CCSER1: variants seen among roughly 807,000 people sequenced by gnomAD.
CCSER1 encodes coiled-coil serine rich protein 1, also known as serine-rich coiled-coil domain-containing protein 1.
Under a neutral mutation model 82.0 loss-of-function variants are expected in CCSER1, and 41 were observed. That is an observed-to-expected ratio of 0.50 (90% CI 0.39 to 0.65). CCSER1 has a LOEUF of 0.65. CCSER1 is among the 30% of genes least tolerant of loss of function. The pLI, the probability that CCSER1 is intolerant of heterozygous loss-of-function variation, is 0.00. For missense variants in CCSER1, 1,119 were observed against 1,064.2 expected (o/e 1.05, Z -0.72); for synonymous variants, 414 against 383.9 (o/e 1.08, Z -0.92).
At chr4:90,612,418 A>T (rs1171226978) in intron 5 of CCSER1, among the ~76,000 whole-genome samples, 5 of 152,220 alleles carry the variant, frequency 3.3e-5, no homozygotes, top group Non-Finnish European at 7.3e-5. Flanking sequence ...TTTCTCATGA[A>T]CAAAGACAGA....
At chr4:90,277,556 C>G (rs1472700867) in intron 1 of CCSER1, among the ~76,000 whole-genome samples, 2 of 151,934 alleles carry the variant, frequency 1.3e-5, no homozygotes. Flanking sequence ...TAAACAAACT[C>G]AACAAAAATT....
At chr4:90,258,041 G>A (rs868397949) in intron 1 of CCSER1, among the ~76,000 whole-genome samples, 8 of 152,032 alleles carry the variant, frequency 5.3e-5, no homozygotes, top group Non-Finnish European at 7.4e-5. Flanking sequence ...AAAATTAACC[G>A]CCACACTGTT....
At chr4:91,568,730 A>T (rs1198847852) in intron 10 of CCSER1, among the ~76,000 whole-genome samples, 1 of 152,118 alleles carries the variant, frequency 6.6e-6, no homozygotes, top group African/African-American at 2.4e-5. Flanking sequence ...CTATTTCATC[A>T]TTCAGCTCCT....
At chr4:90,727,661 C>T (rs80311850) in intron 7 of CCSER1, among the ~76,000 whole-genome samples, 8,750 of 152,154 alleles carry the variant, frequency 0.058, 308 homozygotes, top group East Asian at 0.16. Flanking sequence ...TGTACATATG[C>T]AGTTATTAGC....
intron 6 of CCSER1, among the ~76,000 whole-genome samples, chr4:90,658,467 T>A (rs777043962): frequency 3.3e-5 from 5 of 152,166 alleles, no homozygotes; most frequent in Admixed American, 6.5e-5. Flanking sequence ...CAATGTCTTC[T>A]TCTCAACTCA....
chr4:91,357,469 T>G (rs1229156392), intron 10 of CCSER1, among the ~76,000 whole-genome samples: 1 of 152,204 alleles, frequency 6.6e-6, no homozygotes, highest in African/African-American at 2.4e-5. Context: ...TTTTTAACTT[T>G]AGCTAATATG....
intron 10 of CCSER1, among the ~76,000 whole-genome samples, chr4:91,568,162 T>C (rs1003471508): frequency 3.9e-5 from 6 of 152,182 alleles, no homozygotes; most frequent in South Asian, 2.1e-4. Context: ...TTAAGAATGT[T>C]GAATATGAGT....
intron 10 of CCSER1, among the ~76,000 whole-genome samples, chr4:91,572,074 C>T (rs934532057): frequency 2.6e-5 from 4 of 152,072 alleles, no homozygotes; most frequent in East Asian, 1.9e-4. Context: ...GCTACTGGCT[C>T]GATAACTCTG....
At chr4:91,237,778 T>G (rs1739132291) in intron 10 of CCSER1, among the ~76,000 whole-genome samples, 1 of 152,150 alleles carries the variant, frequency 6.6e-6, no homozygotes, top group Admixed American at 6.6e-5. Flanking sequence ...AAAGAAATTT[T>G]AAGTGGTTCA....
At chr4:91,430,081 G>A (rs900621638) in intron 10 of CCSER1, among the ~76,000 whole-genome samples, 1 of 152,042 alleles carries the variant, frequency 6.6e-6, no homozygotes, top group East Asian at 1.9e-4. Flanking sequence ...AAATAATTGA[G>A]ACTAGAAAGA....
At chr4:91,545,023 A>C (rs1040852189) in intron 10 of CCSER1, among the ~76,000 whole-genome samples, 6 of 152,028 alleles carry the variant, frequency 3.9e-5, no homozygotes, top group Admixed American at 3.9e-4. Context: ...AAGCCTCAGC[A>C]ATGGTGGATG....
chr4:91,302,802 T>C (rs552014699), intron 10 of CCSER1, among the ~76,000 whole-genome samples: 6 of 95,530 alleles, frequency 6.3e-5, no homozygotes, highest in Admixed American at 1.1e-4. Flanking sequence ...GTAATTTTTT[T>C]CCCCTAGATC....
intron 1 of CCSER1, among the ~76,000 whole-genome samples, chr4:90,148,368 A>G (rs1305897500): frequency 6.6e-6 from 1 of 152,170 alleles, no homozygotes; most frequent in South Asian, 2.1e-4. Flanking sequence ...GCCCAGTATT[A>G]GTCTCTTGAA....
At chr4:90,470,780 A>C (rs1442400671) in intron 5 of CCSER1, among the ~76,000 whole-genome samples, 2 of 150,548 alleles carry the variant, frequency 1.3e-5, no homozygotes, top group African/African-American at 2.5e-5. Flanking sequence ...AAAAAAAAAA[A>C]ACAAAACACC....
chr4:91,500,693 TACTC>T (rs1759162318), intron 10 of CCSER1, among the ~76,000 whole-genome samples: 1 of 152,036 alleles, frequency 6.6e-6, no homozygotes, highest in Non-Finnish European at 1.5e-5. Context: ...TTGGGAAACT[TACTC>T]AAACATTTTG....
At chr4:91,596,605 A>G (rs553771026) in intron 10 of CCSER1, among the ~76,000 whole-genome samples, 172 of 152,168 alleles carry the variant, frequency 1.1e-3, no homozygotes, top group African/African-American at 3.9e-3. Context: ...GGAAAGAGCC[A>G]AGAAGAAGAA....
intron 10 of CCSER1, among the ~76,000 whole-genome samples, chr4:91,238,622 A>G (rs1405971934): frequency 6.6e-6 from 1 of 151,896 alleles, no homozygotes; most frequent in East Asian, 1.9e-4. Context: ...TGTTACTCTT[A>G]TTATTATTAT....
At chr4:90,814,686 A>C (rs564121587) in intron 7 of CCSER1, among the ~76,000 whole-genome samples, 16 of 152,316 alleles carry the variant, frequency 1.1e-4, no homozygotes, top group Admixed American at 1.0e-3. Flanking sequence ...AAAGTTTCAC[A>C]GATCTGTAGG....
chr4:91,303,715 A>C (rs1269344415), intron 10 of CCSER1, among the ~76,000 whole-genome samples: 1 of 151,978 alleles, frequency 6.6e-6, no homozygotes, highest in Non-Finnish European at 1.5e-5. Flanking sequence ...GGATCACCTG[A>C]GTCTGGGAGG....
Sources: gnomAD v4.1 joint callset for allele counts (sites outside exome capture counted in the v4.1 genomes callset) on GRCh38, gnomAD v4.1.1 for gene constraint, MANE v1.5 for transcripts, NCBI Gene and HGNC (gene_info 2026-07-23, HGNC 2026-07-21) for gene names.